The following SPOCK3 variants were observed in gnomAD, a reference collection of about 807,000 sequenced individuals.
SPOCK3 encodes testican-3.
Under a neutral mutation model 56.6 loss-of-function variants are expected in SPOCK3, and 30 were observed. That is an observed-to-expected ratio of 0.53 (90% CI 0.40 to 0.72). The LOEUF (loss-of-function observed/expected upper bound fraction) is 0.72, where lower values mean the gene tolerates loss of function less well. Among genes scored for constraint, SPOCK3 ranks in the 30% least tolerant of loss-of-function variants. The pLI, the probability that SPOCK3 is intolerant of heterozygous loss-of-function variation, is 0.00. For synonymous variants in SPOCK3, 196 were observed against 183.3 expected (o/e 1.07, Z -0.56); for missense variants, 527 against 530.0 (o/e 0.99, Z 0.06).
In SPOCK3 at chr4:167,051,176, C is replaced by CA. The variant is rs553176469; in HGVS notation, c.235+11315dup. Among the ~76,000 whole-genome samples the CA allele has an allele frequency of 4.6e-5, 7 of 152,140 alleles. No individual in the cohort carries two copies. The South Asian group carries it at 1.5e-3, about 32-fold the overall frequency. On this transcript the variant is annotated intron_variant, in intron 3 of 10. Transcript: ENST00000357545. ...ACCAAAGTGCCCAGATTAATTAAAT[C>CA]AAAACATTCAGGGATCAAGAGATCA... is the stretch of plus-strand genomic sequence containing the variant.
chr4:166,748,689 G>A (rs1560816214), intron 8 of SPOCK3, among the ~76,000 whole-genome samples: 1 of 137,508 alleles, frequency 7.3e-6, no homozygotes, highest in East Asian at 2.0e-4. Context: ...TTCCTTCAGA[G>A]TGAACAGGCA....
At chr4:167,216,119 CT>C (rs1189400438) in intron 2 of SPOCK3, among the ~76,000 whole-genome samples, 1 of 152,044 alleles carries the variant, frequency 6.6e-6, no homozygotes, top group Non-Finnish European at 1.5e-5. Context: ...AACAGCCACC[CT>C]CCAAGTATAT....
intron 2 of SPOCK3, among the ~76,000 whole-genome samples, chr4:167,193,855 T>C (rs1421666803): frequency 2.1e-5 from 3 of 140,366 alleles, no homozygotes; most frequent in Admixed American, 7.7e-5. Context: ...TTATTTTCTT[T>C]AGATTGACTT....
At chr4:166,992,730 A>AT (rs5863851) in intron 4 of SPOCK3, among the ~76,000 whole-genome samples, 98,771 of 151,836 alleles carry the variant, frequency 0.65, 33,910 homozygotes, top group East Asian at 0.84. Context: ...TTAATATCCA[A>AT]TTTTTTCTCT....
intron 6 of SPOCK3, among the ~76,000 whole-genome samples, chr4:166,888,895 C>A (rs2127007224): frequency 6.6e-6 from 1 of 151,720 alleles, no homozygotes; most frequent in Admixed American, 6.6e-5. Flanking sequence ...ATATGATGAG[C>A]ACATAGGAAA....
At chr4:167,114,008 A>G (rs556166263) in intron 2 of SPOCK3, among the ~76,000 whole-genome samples, 1 of 152,146 alleles carries the variant, frequency 6.6e-6, no homozygotes, top group Admixed American at 6.6e-5. Context: ...CCAGCTGAAA[A>G]TCACCAGCGC....
chr4:166,772,767 G>A (rs539265817), intron 7 of SPOCK3, among the ~76,000 whole-genome samples: 1 of 152,112 alleles, frequency 6.6e-6, no homozygotes, highest in African/African-American at 2.4e-5. Context: ...GACTCTAAGT[G>A]TAGTCATCTT....
chr4:166,907,609 T>G (rs555240902), intron 5 of SPOCK3, among the ~76,000 whole-genome samples: 16 of 152,188 alleles, frequency 1.1e-4, no homozygotes, highest in African/African-American at 3.6e-4. Flanking sequence ...ATAGCGAGTG[T>G]TGGAAACAAA....
chr4:166,746,523 G>A (rs898917235), intron 8 of SPOCK3, among the ~76,000 whole-genome samples: 1 of 152,126 alleles, frequency 6.6e-6, no homozygotes, highest in African/African-American at 2.4e-5. Context: ...ATGCCCACAA[G>A]AGAAAGCAGG....
chr4:166,962,974 T>G (rs539563713), intron 4 of SPOCK3, among the ~76,000 whole-genome samples: 1 of 152,210 alleles, frequency 6.6e-6, no homozygotes, highest in African/African-American at 2.4e-5. Context: ...TTTAGATCCA[T>G]CATTGAATAA....
intron 3 of SPOCK3, among the ~76,000 whole-genome samples, chr4:167,017,206 C>T (rs947037875): frequency 6.6e-6 from 1 of 152,044 alleles, no homozygotes; most frequent in Non-Finnish European, 1.5e-5. Flanking sequence ...AACAGTGGGG[C>T]AGGGGATCAT....
intron 2 of SPOCK3, among the ~76,000 whole-genome samples, chr4:167,078,473 T>C (rs1376006846): frequency 6.6e-6 from 1 of 151,134 alleles, no homozygotes; most frequent in African/African-American, 2.4e-5. Context: ...ATAATCAGAG[T>C]TGGTTTTGCA....
chr4:167,122,299 G>A (rs1213055950), intron 2 of SPOCK3, among the ~76,000 whole-genome samples: 2 of 152,068 alleles, frequency 1.3e-5, no homozygotes, highest in East Asian at 3.9e-4. Context: ...TGGGACAGGC[G>A]TGAGCCACCA....
At chr4:166,993,256 A>T (rs1206399153) in intron 4 of SPOCK3, among the ~76,000 whole-genome samples, 2 of 152,180 alleles carry the variant, frequency 1.3e-5, no homozygotes, top group Non-Finnish European at 2.9e-5. Context: ...TCTCTCTGAC[A>T]GGACATGCAA....
At chr4:166,992,232 G>A (rs1747869719) in intron 4 of SPOCK3, among the ~76,000 whole-genome samples, 1 of 152,042 alleles carries the variant, frequency 6.6e-6, no homozygotes, top group African/African-American at 2.4e-5. Context: ...TGAGTGGTCT[G>A]CGGAGGAAAG....
intron 6 of SPOCK3, among the ~76,000 whole-genome samples, chr4:166,818,325 T>G (rs551276995): frequency 5.3e-4 from 80 of 152,148 alleles, no homozygotes; most frequent in African/African-American, 1.8e-3. Flanking sequence ...ATAGTGCCTA[T>G]AATTATAAAG....
intron 2 of SPOCK3, among the ~76,000 whole-genome samples, chr4:167,137,763 T>TA (rs1386777507): frequency 3.3e-5 from 5 of 151,882 alleles, no homozygotes; most frequent in African/African-American, 1.2e-4. Context: ...AAATATTTAC[T>TA]AAAATACTTG....
At chr4:167,013,559 TATTTTTACCGGTTTCC>T (rs1750307340) in intron 3 of SPOCK3, among the ~76,000 whole-genome samples, 1 of 151,316 alleles carries the variant, frequency 6.6e-6, no homozygotes, top group African/African-American at 2.4e-5. Context: ...TATCATAAAA[TATTTTTACCGGTTTCC>T]ATTTTGTAAT....
chr4:166,781,447 G>A (rs1740161859), intron 7 of SPOCK3, among the ~76,000 whole-genome samples: 1 of 151,834 alleles, frequency 6.6e-6, no homozygotes, highest in African/African-American at 2.4e-5. Context: ...GGAGGAGGAA[G>A]AGAGAAGACA....
Sources: allele counts gnomAD v4.1 joint callset (sites outside exome capture counted in the v4.1 genomes callset), GRCh38; gene constraint gnomAD v4.1.1; transcripts MANE v1.5; gene names NCBI Gene and HGNC (gene_info 2026-07-23, HGNC 2026-07-21).